The following MDM1 variants were observed in gnomAD, a reference collection of about 807,000 sequenced individuals.
The protein encoded by MDM1 is Mdm1 nuclear protein.
A neutral mutation model predicts 89.1 loss-of-function variants in MDM1; 61 were observed. The ratio of observed to expected loss-of-function variants is 0.68; its 90% CI spans 0.56 to 0.85. The LOEUF (loss-of-function observed/expected upper bound fraction) is 0.85, where lower values mean the gene tolerates loss of function less well. Among genes scored for constraint, MDM1 ranks in the 40% least tolerant of loss-of-function variants. MDM1 has a pLI of 0.00. For missense variants in MDM1, 820 were observed against 846.5 expected, an observed-to-expected ratio of 0.97 and a Z score of 0.39; for synonymous variants, 290 against 294.1, an observed-to-expected ratio of 0.99 and a Z score of 0.14.
chr12:68,328,963 T>C (rs1421610735), intron 2 of MDM1, among the ~76,000 whole-genome samples: 1 of 152,190 alleles, frequency 6.6e-6, no homozygotes, highest in East Asian at 1.9e-4. Flanking sequence ...TGCTCTAAGG[T>C]GGCTTTGCTC....
intron 12 of MDM1, among the ~76,000 whole-genome samples, chr12:68,307,145 G>T (rs1464057472): frequency 6.6e-6 from 1 of 152,064 alleles, no homozygotes; most frequent in Non-Finnish European, 1.5e-5. Context: ...TAAACAAGAG[G>T]TACACACAAC....
Position 68,316,093 on chromosome 12 carries a change from G to T in MDM1, c.1196C>A (p.Ala399Glu). 1 of 1,611,064 alleles carries T rather than the reference G, an allele frequency of 6.2e-7. No individual in the cohort carries two copies. ...SEGTVSSNIR[A>E]LDLAGDPTSH... ...AATATCTCACCCAGCAAGATCTAAT[G>T]CTCTGATGTTGCTACTAACGGTTCC... The change falls in exon 9 of 15, where the codon GCA becomes GAA. Residue 399 changes from alanine (A) to glutamate (E), a missense_variant. Physicochemically the swap from Ala to Glu is moderately radical, Grantham distance 107. Transcript: ENST00000682720.
chr12:68,310,073 T>C (rs1873476158), intron 12 of MDM1, among the ~76,000 whole-genome samples: 2 of 152,224 alleles, frequency 1.3e-5, no homozygotes, highest in Non-Finnish European at 2.9e-5. Context: ...TGGGTTGAAG[T>C]GATTCTTGTG....
intron 10 of MDM1, among the ~76,000 whole-genome samples, chr12:68,314,131 C>T (rs7963545): frequency 0.11 from 13,611 of 123,008 alleles, 1,095 homozygotes; most frequent in African/African-American, 0.24. Context: ...AGCGAAACTC[C>T]GTCTCAAAAA....
In MDM1 at chr12:68,329,966, G is replaced by A. The variant is rs557475916; in HGVS notation, c.133+1141C>T. Among the ~76,000 whole-genome samples the A allele has an allele frequency of 4.6e-5, 7 of 152,134 alleles. No homozygotes were observed. In the South Asian group the frequency reaches 1.0e-3, roughly 22 times the overall value. On this transcript the variant is annotated intron_variant, in intron 2 of 14. Transcript: ENST00000682720. ...TTACTAGCTGTAAAGCTGGGGCAGCGACCTCATCTCCCTAAGCTTCCATTT... is the reference window on the plus strand; with the variant it reads ...TTACTAGCTGTAAAGCTGGGGCAGCAACCTCATCTCCCTAAGCTTCCATTT...
Position 68,327,039 on chromosome 12 carries a change from C to A in MDM1, c.134-18G>T. 1 of 1,548,618 alleles carries A rather than the reference C, an allele frequency of 6.5e-7. No homozygotes were observed. The highest frequency in any genetic ancestry group is 8.7e-7 in the Non-Finnish European group (1 of 1,156,006). On this transcript the variant is annotated intron_variant, in intron 2 of 14. Coordinates refer to ENST00000682720, the MANE Select transcript of MDM1 (RefSeq NM_001354969.2). The stretch of plus-strand genomic sequence containing the variant: ...CGTGATGCCTACAAAACACGGTATA[C>A]AAAAATAGTAGCTACTAAAGCAAAA...
chr12:68,325,183 G>A, intron 4 of MDM1: 1 of 1,086,350 alleles, frequency 9.2e-7, no homozygotes, highest in Non-Finnish European at 1.1e-6. Context: ...AGTTCCCCAA[G>A]TTTTCATTAC....
chr12:68,296,958 A>G lies in MDM1; in HGVS notation c.2027T>C (p.Leu676Ser). ...HNVGKARMNN[L>S]QLPQHEAFND... Reference sequence around the variant, plus strand: ...AAAGGCTTCATGTTGAGGTAACTGCAAATTGTTCATCCTTGCTTTTCCCAC... The same window carrying G: ...AAAGGCTTCATGTTGAGGTAACTGCGAATTGTTCATCCTTGCTTTTCCCAC... Residue 676 changes from leucine (L) to serine (S), a missense_variant, in exon 14 of 15, where the codon TTG (leucine) becomes TCG (serine). By Grantham distance (145) the Leu-to-Ser change is moderately radical (BLOSUM62 -2). Transcript: ENST00000682720. 1 of 1,594,636 alleles carries G rather than the reference A, an allele frequency of 6.3e-7. No homozygotes were observed. Among genetic ancestry groups the G allele is most frequent in the Non-Finnish European group, 8.5e-7 (1 of 1,173,054 alleles).
intron 2 of MDM1, among the ~76,000 whole-genome samples, chr12:68,328,420 C>T (rs1459331351): frequency 6.6e-6 from 1 of 152,216 alleles, no homozygotes; most frequent in Non-Finnish European, 1.5e-5. Context: ...TGAATACTGA[C>T]TTTGCCAATT....
chr12:68,309,504 G>C (rs903313116), intron 12 of MDM1, among the ~76,000 whole-genome samples: 1 of 152,080 alleles, frequency 6.6e-6, no homozygotes, highest in Admixed American at 6.5e-5. Context: ...CCAGACTGCA[G>C]GTTTCATAAG....
chr12:68,313,477 TC>T lies in MDM1; in HGVS notation c.1714del (p.Asp572IlefsTer3). ...ATCATTCTTTGAAGTTTCTAAACAA[TC>T]CTGAGAGGTCATTCTTTTCCTCTGT... Reference protein sequence around the residue: ...PEQRKRMTSQDCLETSKNDFT... With the variant: ...PEQRKRMTSQXCLETSKNDFT... On this transcript the variant is annotated frameshift_variant, in exon 12 of 15. Coordinates refer to ENST00000682720, the MANE Select transcript of MDM1 (RefSeq NM_001354969.2). LOFTEE classifies it high-confidence loss of function. 6.2e-7 allele frequency: 1 copy of T among 1,613,974 alleles called. No individual in the cohort carries two copies. The highest frequency in any genetic ancestry group is 8.5e-7 in the Non-Finnish European group (1 of 1,179,830).
chr12:68,321,491 T>C (rs368933982), intron 6 of MDM1, 34 bp downstream of exon 6: 59 of 1,607,256 alleles, frequency 3.7e-5, no homozygotes, highest in African/African-American at 2.8e-4. Context: ...ATGTTAATCA[T>C]TGAAATACCA....
intron 1 of MDM1, among the ~76,000 whole-genome samples, chr12:68,331,440 G>A (rs1876803984): frequency 6.6e-6 from 1 of 152,168 alleles, no homozygotes; most frequent in African/African-American, 2.4e-5. Context: ...TGAGGCAGAT[G>A]CTACCAGGAA....
intron 13 of MDM1, among the ~76,000 whole-genome samples, chr12:68,297,555 G>A (rs1044256257): frequency 6.6e-6 from 1 of 152,216 alleles, no homozygotes; most frequent in Non-Finnish European, 1.5e-5. Context: ...GGAGTGAAGG[G>A]AAGACTGAAC....
rs1874306530 is a variant in MDM1, at chr12:68,315,178, T to C, written c.1299A>G (p.Lys433=). 1 of 1,614,218 alleles carries C rather than the reference T, an allele frequency of 6.2e-7. No homozygotes were observed. The change falls in exon 10 of 15, where the codon AAA becomes AAG. Residue 433 remains lysine (K), a synonymous_variant. Transcript: ENST00000682720. The stretch of plus-strand genomic sequence containing the variant: ...ACACACCCAATTTCTCCGTGGTATT[T>C]TTCTGGGGCTGTTCTTCCACGATAT... ...KGNIVEEQPQ[K]NTTEKLGVSA...
chr12:68,304,240 A>C (rs6581810), intron 12 of MDM1, among the ~76,000 whole-genome samples: 112,831 of 152,068 alleles, frequency 0.74, 42,480 homozygotes, highest in African/African-American at 0.84. Flanking sequence ...GAGACCCCAT[A>C]TCTATTTATT....
chr12:68,303,216 T>C (rs532790502), intron 12 of MDM1, among the ~76,000 whole-genome samples: 1 of 152,286 alleles, frequency 6.6e-6, no homozygotes, highest in Non-Finnish European at 1.5e-5. Flanking sequence ...GAATAAGCAA[T>C]TCATATAATG....
At chr12:68,331,780 A>G (rs550931024) in intron 1 of MDM1, among the ~76,000 whole-genome samples, 1 of 152,358 alleles carries the variant, frequency 6.6e-6, no homozygotes, top group South Asian at 2.1e-4. Flanking sequence ...ATGCACAACG[A>G]TGAAAAACGT....
In MDM1 at chr12:68,295,028, C is replaced by A; in HGVS notation, c.*226G>T. The A allele has an allele frequency of 3.7e-6, 1 of 270,464 alleles. No homozygotes were observed. Among genetic ancestry groups the A allele is most frequent in the South Asian group, 6.4e-5 (1 of 15,692 alleles). 16.8% of individuals were successfully genotyped at this position (270,464 alleles called of 1,614,324 possible). ...TTACGAAAGTTACATGTGAAGAATTCAATAATCTAGGTCTTTGTACTCTGG... is the reference window on the plus strand; with the variant it reads ...TTACGAAAGTTACATGTGAAGAATTAAATAATCTAGGTCTTTGTACTCTGG... On this transcript the variant is annotated 3_prime_UTR_variant, in exon 15 of 15. Transcript: ENST00000682720.
Sources: allele counts gnomAD v4.1 joint callset (sites outside exome capture counted in the v4.1 genomes callset), GRCh38; gene constraint gnomAD v4.1.1; transcripts MANE v1.5; gene names NCBI Gene and HGNC (gene_info 2026-07-23, HGNC 2026-07-21).